The following ACTR3B variants were observed in gnomAD, a reference collection of about 807,000 sequenced individuals.
ACTR3B encodes the protein actin related protein 3B.
Under a neutral mutation model 59.0 loss-of-function variants are expected in ACTR3B, and 8 were observed. The observed-to-expected ratio is 0.14, with a 90% CI of 0.08 to 0.24. The LOEUF is 0.24. ACTR3B is among the 10% of genes least tolerant of loss of function. The pLI is 1.00. For missense variants in ACTR3B, 245 were observed against 552.3 expected (o/e 0.44, Z 5.58); for synonymous variants, 148 against 197.9 (o/e 0.75, Z 2.12).
chr7:152,774,297 C>T (rs3107848), intron 1 of ACTR3B, among the ~76,000 whole-genome samples: 7 of 152,092 alleles, frequency 4.6e-5, no homozygotes, highest in African/African-American at 1.4e-4. Context: ...CCACCGCACC[C>T]GACTAGTTTT....
chr7:152,846,430 G>T (rs1176619636), intron 9 of ACTR3B, among the ~76,000 whole-genome samples: 1 of 148,248 alleles, frequency 6.7e-6, no homozygotes, highest in Non-Finnish European at 1.5e-5. Context: ...TCTAGTGTCC[G>T]GGCTGTAGTG....
rs559097988 is a variant in ACTR3B, at chr7:152,822,917, T to C, written c.685-425T>C. Among the ~76,000 whole-genome samples, 110 of 152,182 alleles carry C rather than the reference T, an allele frequency of 7.2e-4. 1 individual carries two copies. Among genetic ancestry groups the C allele is most frequent in the South Asian group, 5.8e-3 (28 of 4,808 alleles). ...GAAGCCGCTGCAGTCAGGTTTAGGG[T>C]GTAGACAGTGCCGCACTCGGTAGTT... On this transcript the variant is annotated intron_variant, in intron 7 of 11. Transcript: ENST00000256001.
intron 3 of ACTR3B, 23 bp from the exon 4 acceptor site, chr7:152,801,598 A>C: frequency 7.6e-7 from 1 of 1,323,806 alleles, no homozygotes. Flanking sequence ...GAGGCTTGAC[A>C]ACTCTGGTGT....
At chr7:152,832,317 G>T (rs567484564) in intron 9 of ACTR3B, among the ~76,000 whole-genome samples, 1 of 152,266 alleles carries the variant, frequency 6.6e-6, no homozygotes, top group East Asian at 1.9e-4. Flanking sequence ...GTAGGTTGGA[G>T]GCTTTGCAGG....
intron 2 of ACTR3B, among the ~76,000 whole-genome samples, chr7:152,792,573 CCTGTCT>C (rs1313439260): frequency 2.6e-5 from 4 of 151,832 alleles, no homozygotes; most frequent in Non-Finnish European, 5.9e-5. Context: ...ATGGTGAAAC[CCTGTCT>C]CTACTAAAAA....
intron 1 of ACTR3B, among the ~76,000 whole-genome samples, chr7:152,764,108 C>T (rs1360152528): frequency 7.9e-5 from 12 of 151,512 alleles, no homozygotes; most frequent in Admixed American, 4.6e-4. Flanking sequence ...CGGGTTCAAG[C>T]GATTCTCCTG....
intron 9 of ACTR3B, among the ~76,000 whole-genome samples, chr7:152,838,695 G>A (rs542913386): frequency 2.5e-3 from 387 of 152,286 alleles, no homozygotes; most frequent in African/African-American, 9.0e-3. Context: ...AATTTAAAAA[G>A]TAGTAATGCT....
intron 1 of ACTR3B, among the ~76,000 whole-genome samples, chr7:152,782,210 A>T (rs1284967976): frequency 6.6e-6 from 1 of 150,432 alleles, no homozygotes; most frequent in African/African-American, 2.5e-5. Flanking sequence ...TTGAATGAAT[A>T]AAGTTAGTTT....
Position 152,854,309 on chromosome 7 carries a change from G to C in ACTR3B, c.1162-149G>C. 1.5e-6 allele frequency: 1 copy of C among 674,038 alleles called. No homozygotes were observed. Among genetic ancestry groups the C allele is most frequent in the Admixed American group, 2.5e-5 (1 of 39,814 alleles). The allele number at this position is 674,038 out of a possible 1,614,324, so 41.8% of individuals were successfully genotyped here. ...AAATAACTCCCCATTTAGTAGTTTA[G>C]TACATCAGAGAGGTAAAATCTTGCA... On this transcript the variant is annotated intron_variant, in intron 11 of 11. Coordinates refer to ENST00000256001, the MANE Select transcript of ACTR3B (RefSeq NM_020445.6). The surrounding 1 kb of genome is among the most constrained non-coding windows in gnomAD (Gnocchi z 4.9).
At chr7:152,815,643 G>A (rs35202158) in intron 5 of ACTR3B, among the ~76,000 whole-genome samples, 6 of 152,188 alleles carry the variant, frequency 3.9e-5, no homozygotes, top group African/African-American at 1.4e-4. Context: ...TCTGCCCACT[G>A]GAAGACAGCA....
At chr7:152,840,641 C>G (rs1797807969) in intron 9 of ACTR3B, among the ~76,000 whole-genome samples, 1 of 125,090 alleles carries the variant, frequency 8.0e-6, no homozygotes, top group Non-Finnish European at 1.7e-5. Context: ...TTGTCTTCTG[C>G]TGGGCTCTGC....
intron 2 of ACTR3B, among the ~76,000 whole-genome samples, chr7:152,792,072 A>G (rs981535140): frequency 7.9e-5 from 12 of 152,046 alleles, no homozygotes; most frequent in African/African-American, 1.7e-4. Context: ...TTGTATTTTT[A>G]GTAGAGATGG....
At chr7:152,833,094 G>C (rs1163226940) in intron 9 of ACTR3B, among the ~76,000 whole-genome samples, 10 of 152,216 alleles carry the variant, frequency 6.6e-5, no homozygotes, top group Admixed American at 6.5e-4. Context: ...TCAAGAGGTA[G>C]CCCTTGGGTT....
chr7:152,854,366 G>A lies in ACTR3B; in HGVS notation c.1162-92G>A, dbSNP rs1030620923. The A allele has an allele frequency of 5.1e-6, 6 of 1,168,940 alleles. No individual in the cohort carries two copies. In the African/African-American group the frequency reaches 9.1e-5, roughly 18 times the overall value. 72.4% of individuals were successfully genotyped at this position (1,168,940 alleles called of 1,614,324 possible). A position where few individuals can be genotyped will look rare whatever the true frequency, so the allele number is the denominator to read the frequency against. ...GTCCTGGGAGGGAGGGTGGAGGCCGGGATGAGGAGAGTGTCTTGCCTGCTT... is the reference window on the plus strand; with the variant it reads ...GTCCTGGGAGGGAGGGTGGAGGCCGAGATGAGGAGAGTGTCTTGCCTGCTT... On this transcript the variant is annotated intron_variant, in intron 11 of 11. Transcript: ENST00000256001. The surrounding 1 kb of genome is among the most constrained non-coding windows in gnomAD (Gnocchi z 4.9).
At chr7:152,761,475 T>A (rs1230701172) in intron 1 of ACTR3B, among the ~76,000 whole-genome samples, 2 of 152,252 alleles carry the variant, frequency 1.3e-5, no homozygotes, top group Middle Eastern at 3.2e-3. Flanking sequence ...GTCATACCTT[T>A]AAGATTAGTA....
intron 1 of ACTR3B, among the ~76,000 whole-genome samples, chr7:152,768,010 C>G (rs566328205): frequency 6.6e-6 from 1 of 152,260 alleles, no homozygotes; most frequent in East Asian, 1.9e-4. Flanking sequence ...CACTTGAGGC[C>G]AGGAATTTGA....
chr7:152,823,903 G>T (rs1467437649), intron 8 of ACTR3B, among the ~76,000 whole-genome samples: 6 of 152,182 alleles, frequency 3.9e-5, no homozygotes, highest in Non-Finnish European at 5.9e-5. Flanking sequence ...TTTGGTGATT[G>T]CCCTTCCTAA....
chr7:152,772,971 T>A (rs1184361708), intron 1 of ACTR3B, among the ~76,000 whole-genome samples: 1 of 148,806 alleles, frequency 6.7e-6, no homozygotes, highest in East Asian at 2.1e-4. Context: ...GAATATGTAG[T>A]TAAGGAATAC....
At chr7:152,851,705 T>A (rs1798820229) in intron 9 of ACTR3B, among the ~76,000 whole-genome samples, 1 of 152,180 alleles carries the variant, frequency 6.6e-6, no homozygotes, top group South Asian at 2.1e-4. Flanking sequence ...CCCAAGATTG[T>A]CCTTCTGAGA....
Sources: allele counts gnomAD v4.1 joint callset (sites outside exome capture counted in the v4.1 genomes callset), GRCh38; gene constraint gnomAD v4.1.1; non-coding constraint Gnocchi (gnomAD v3.1); transcripts MANE v1.5; gene names NCBI Gene and HGNC (gene_info 2026-07-23, HGNC 2026-07-21).